The following ARHGAP26 variants were observed in gnomAD, a reference collection of about 807,000 sequenced individuals.
ARHGAP26 encodes Rho GTPase activating protein 26.
A neutral mutation model predicts 104.8 loss-of-function variants in ARHGAP26; 38 were observed. The ratio of observed to expected loss-of-function variants is 0.36; its 90% CI spans 0.28 to 0.48. The LOEUF (loss-of-function observed/expected upper bound fraction) is 0.48, where lower values mean the gene tolerates loss of function less well. Among genes scored for constraint, ARHGAP26 ranks in the 20% least tolerant of loss-of-function variants. The pLI, the probability that ARHGAP26 is intolerant of heterozygous loss-of-function variation, is 0.99. For synonymous variants in ARHGAP26, 341 were observed against 340.0 expected (o/e 1.00, Z -0.03); for missense variants, 704 against 947.9 (o/e 0.74, Z 3.38).
chr5:143,111,651 A>G lies in ARHGAP26; in HGVS notation c.1539-9337A>G, dbSNP rs116473366. 1.9e-3 allele frequency among the ~76,000 whole-genome samples: 292 copies of G among 152,388 alleles called. 3 individuals are homozygous for G. Among genetic ancestry groups the G allele is most frequent in the African/African-American group, 6.3e-3 (261 of 41,594 alleles). On this transcript the variant is annotated intron_variant, in intron 17 of 22. Transcript: ENST00000645722. ...GAAATGGATAAAGAAAAGGAGAGAT[A>G]GGAGACACTGTCTTAGAGAGCTATT...
chr5:143,170,526 C>G (rs1389453051), intron 20 of ARHGAP26: 1 of 152,118 alleles, frequency 6.6e-6, no homozygotes, highest in Non-Finnish European at 1.5e-5. Context: ...AAATTTTGTT[C>G]TCAAAGGTTG....
chr5:143,014,982 G>GT (rs886185452), intron 12 of ARHGAP26, among the ~76,000 whole-genome samples: 4 of 152,112 alleles, frequency 2.6e-5, no homozygotes, highest in Non-Finnish European at 5.9e-5. Context: ...GGATGAAGTT[G>GT]TTTTTTTGTG....
intron 11 of ARHGAP26, among the ~76,000 whole-genome samples, chr5:143,001,151 C>T (rs1777142150): frequency 6.6e-6 from 1 of 151,738 alleles, no homozygotes; most frequent in Non-Finnish European, 1.5e-5. Context: ...CAAAACAGAA[C>T]AGTGGTTGCC....
intron 17 of ARHGAP26, among the ~76,000 whole-genome samples, chr5:143,110,891 T>C (rs1404218953): frequency 6.6e-6 from 1 of 152,222 alleles, no homozygotes; most frequent in Admixed American, 6.5e-5. Context: ...CAGGATGAGA[T>C]AGGTGAAAGC....
intron 10 of ARHGAP26, among the ~76,000 whole-genome samples, chr5:142,913,590 T>C (rs545197545): frequency 1.1e-4 from 16 of 152,196 alleles, no homozygotes; most frequent in Non-Finnish European, 1.6e-4. Flanking sequence ...TGCTCAGAAA[T>C]GTGTGTTATA....
chr5:143,220,030 G>A (rs930755649), intron 22 of ARHGAP26, among the ~76,000 whole-genome samples: 3 of 152,120 alleles, frequency 2.0e-5, no homozygotes, highest in Non-Finnish European at 2.9e-5. Flanking sequence ...AAATTGCATT[G>A]TAAATGTTTT....
At chr5:143,075,007 A>T (rs1184381779) in intron 17 of ARHGAP26, among the ~76,000 whole-genome samples, 1 of 152,214 alleles carries the variant, frequency 6.6e-6, no homozygotes, top group Non-Finnish European at 1.5e-5. Flanking sequence ...ACTCAGGAGG[A>T]GGACTGTGAC....
intron 17 of ARHGAP26, among the ~76,000 whole-genome samples, chr5:143,115,752 ATAT>A (rs1795357324): frequency 6.6e-6 from 1 of 152,196 alleles, no homozygotes; most frequent in Non-Finnish European, 1.5e-5. Flanking sequence ...TACAAGCTAC[ATAT>A]TATTGCTCCC....
At chr5:143,196,316 T>G (rs781659493) in intron 20 of ARHGAP26, among the ~76,000 whole-genome samples, 1 of 152,152 alleles carries the variant, frequency 6.6e-6, no homozygotes, top group Non-Finnish European at 1.5e-5. Context: ...TTATTTATAT[T>G]TTAACCTCAT....
At position 142,770,906 on chromosome 5, in the gene ARHGAP26, G is replaced by T. The variant is rs764167999; in HGVS notation, c.145G>T (p.Ala49Ser). ...LIKDGKSLISALKNLSSAKRK... is the reference protein window; with the variant it reads ...LIKDGKSLISSLKNLSSAKRK... ...CAAGGACGGGAAGTCACTCATAAGC[G>T]CGCTCAAGAGTGAGTGTCCCGAGCC... Residue 49 changes from alanine to serine, a missense_variant, in exon 1 of 23, where the codon GCG (alanine) becomes TCG (serine). Physicochemically the swap from Ala to Ser is moderately conservative, Grantham distance 99. This residue lies in a region of ARHGAP26 where 77 missense variants were observed against 82.6 expected (regional missense o/e 0.93). Transcript: ENST00000645722. The T allele has an allele frequency of 2.5e-6, 4 of 1,607,430 alleles. No homozygotes were observed. Among genetic ancestry groups the T allele is most frequent in the Non-Finnish European group, 3.4e-6 (4 of 1,176,514 alleles).
At chr5:143,210,288 T>A (rs1351569236) in intron 21 of ARHGAP26, among the ~76,000 whole-genome samples, 1 of 151,956 alleles carries the variant, frequency 6.6e-6, no homozygotes, top group African/African-American at 2.4e-5. Context: ...GAAACTCCCG[T>A]TTTTTAAAAT....
At chr5:143,155,972 T>C (rs1050849209) in intron 20 of ARHGAP26, among the ~76,000 whole-genome samples, 1 of 152,240 alleles carries the variant, frequency 6.6e-6, no homozygotes, top group African/African-American at 2.4e-5. Flanking sequence ...TTTATTTGTG[T>C]AAGTGTTAGG....
At position 142,800,869 on chromosome 5, in the gene ARHGAP26, G is replaced by A. The variant is rs191075120; in HGVS notation, c.154+29954G>A. On this transcript the variant is annotated intron_variant, in intron 1 of 22. Transcript: ENST00000645722. ...TCAGGGTGGGAGGAAAGCGGAGGCCGTGGCAGAGAGAGATCAAAATGATGC... is the reference window on the plus strand; with the variant it reads ...TCAGGGTGGGAGGAAAGCGGAGGCCATGGCAGAGAGAGATCAAAATGATGC... Among the ~76,000 whole-genome samples, 111 of 152,300 alleles carry A rather than the reference G, an allele frequency of 7.3e-4. 1 individual carries two copies. The highest frequency in any genetic ancestry group is 3.4e-3 in the Middle Eastern group (1 of 294).
At chr5:142,857,429 C>T (rs1752544350) in intron 1 of ARHGAP26, among the ~76,000 whole-genome samples, 1 of 152,102 alleles carries the variant, frequency 6.6e-6, no homozygotes, top group African/African-American at 2.4e-5. Context: ...CCTGTCTCTG[C>T]TGAGGGCTCC....
chr5:142,928,977 C>T (rs542480197), intron 10 of ARHGAP26, among the ~76,000 whole-genome samples: 2 of 152,248 alleles, frequency 1.3e-5, no homozygotes, highest in South Asian at 2.1e-4. Flanking sequence ...CTCGCTCTGT[C>T]GCCGGGCTGG....
chr5:143,137,772 G>A (rs1374054191), intron 19 of ARHGAP26, among the ~76,000 whole-genome samples: 1 of 152,218 alleles, frequency 6.6e-6, no homozygotes. Context: ...TTCCAGAGTA[G>A]CTCACTTAGG....
chr5:142,785,675 A>G (rs949036148), intron 1 of ARHGAP26, among the ~76,000 whole-genome samples: 6 of 152,222 alleles, frequency 3.9e-5, no homozygotes, highest in East Asian at 1.9e-4. Context: ...TTTAGGGACT[A>G]TTGACAAAAG....
chr5:143,142,134 C>CTTTT (rs762332039), intron 19 of ARHGAP26, among the ~76,000 whole-genome samples: 8,368 of 105,176 alleles, frequency 0.08, 859 homozygotes, highest in African/African-American at 0.18. Context: ...CTACTTTTCA[C>CTTTT]TTTTTTTTTT....
At chr5:143,092,463 C>T (rs1341693870) in intron 17 of ARHGAP26, among the ~76,000 whole-genome samples, 3 of 152,306 alleles carry the variant, frequency 2.0e-5, no homozygotes, top group East Asian at 3.9e-4. Context: ...TGCACCCGGC[C>T]ACATCCCGTT....
Sources: gnomAD v4.1 joint callset for allele counts (sites outside exome capture counted in the v4.1 genomes callset) on GRCh38, gnomAD v4.1.1 for gene constraint, gnomAD v4.1.1 regional missense constraint, MANE v1.5 for transcripts, NCBI Gene and HGNC (gene_info 2026-07-23, HGNC 2026-07-21) for gene names.